The following JAZF1 variants were observed in gnomAD, a reference collection of about 807,000 sequenced individuals.
JAZF1 encodes juxtaposed with another zinc finger protein 1.
JAZF1 carries 8 observed loss-of-function variants against 26.4 expected under a neutral mutation model. That is an observed-to-expected ratio of 0.30 (90% CI 0.18 to 0.55). The LOEUF is 0.55. JAZF1 is among the 20% of genes least tolerant of loss of function. JAZF1 has a pLI of 0.94. For missense variants in JAZF1, 199 were observed against 322.0 expected (o/e 0.62, Z 2.92); for synonymous variants, 126 against 122.3 (o/e 1.03, Z -0.20).
intron 1 of JAZF1, among the ~76,000 whole-genome samples, chr7:28,083,621 T>A (rs1562581610): frequency 6.6e-6 from 1 of 152,076 alleles, no homozygotes; most frequent in African/African-American, 2.4e-5. Context: ...TGCTGTATTA[T>A]TTTATATTTT....
At chr7:27,856,209 T>G (rs1053801581) in intron 3 of JAZF1, among the ~76,000 whole-genome samples, 2 of 152,316 alleles carry the variant, frequency 1.3e-5, no homozygotes, top group Admixed American at 1.3e-4. Flanking sequence ...GTTCGTGGTC[T>G]CGCTGGCTCA....
chr7:27,996,608 G>A (rs1207041795), intron 1 of JAZF1, among the ~76,000 whole-genome samples: 1 of 152,186 alleles, frequency 6.6e-6, no homozygotes, highest in Non-Finnish European at 1.5e-5. Context: ...TAGAACTTGT[G>A]AAGCCACAGA....
At chr7:28,064,357 C>A (rs1013757944) in intron 1 of JAZF1, among the ~76,000 whole-genome samples, 4 of 151,948 alleles carry the variant, frequency 2.6e-5, no homozygotes, top group Non-Finnish European at 4.4e-5. Context: ...TAAGCAAATG[C>A]TTTTTCAATT....
intron 3 of JAZF1, among the ~76,000 whole-genome samples, chr7:27,849,468 A>T (rs1007924177): frequency 1.3e-5 from 2 of 152,146 alleles, no homozygotes; most frequent in African/African-American, 2.4e-5. Context: ...TCACATATAA[A>T]AATTGGCTGC....
chr7:27,881,898 T>A (rs1177369430), intron 3 of JAZF1, among the ~76,000 whole-genome samples: 1 of 152,154 alleles, frequency 6.6e-6, no homozygotes, highest in Non-Finnish European at 1.5e-5. Context: ...TGAAAACAGA[T>A]CACATGAAAA....
chr7:27,873,891 A>G (rs1347949086), intron 3 of JAZF1, among the ~76,000 whole-genome samples: 1 of 152,226 alleles, frequency 6.6e-6, no homozygotes, highest in African/African-American at 2.4e-5. Context: ...AGGTAGACTG[A>G]GACACTCTGA....
At chr7:28,020,889 C>T (rs1473043985) in intron 1 of JAZF1, 1 of 345,254 alleles carries the variant, frequency 2.9e-6, no homozygotes, top group Non-Finnish European at 5.7e-6. Flanking sequence ...GAACCACTCC[C>T]TCATGAAGTC....
At chr7:27,935,179 T>C (rs556891631) in intron 2 of JAZF1, among the ~76,000 whole-genome samples, 1 of 152,294 alleles carries the variant, frequency 6.6e-6, no homozygotes, top group African/African-American at 2.4e-5. Flanking sequence ...GGAATGGTTA[T>C]AATCAAACAG....
intron 2 of JAZF1, among the ~76,000 whole-genome samples, chr7:27,960,361 C>G (rs917194860): frequency 1.3e-5 from 2 of 152,194 alleles, no homozygotes; most frequent in Non-Finnish European, 2.9e-5. Context: ...AAGGGCACTA[C>G]GTTTATCTTG....
At chr7:27,878,760 G>A (rs1783722068) in intron 3 of JAZF1, among the ~76,000 whole-genome samples, 1 of 152,178 alleles carries the variant, frequency 6.6e-6, no homozygotes, top group Admixed American at 6.5e-5. Context: ...CTAAGTGGTG[G>A]AATAGGGAAT....
At chr7:27,846,960 CT>C (rs537234482) in intron 3 of JAZF1, among the ~76,000 whole-genome samples, 399 of 137,744 alleles carry the variant, frequency 2.9e-3, no homozygotes, top group Non-Finnish European at 5.3e-3. Flanking sequence ...TTGATGTAGC[CT>C]TATCTGTTTT....
intron 1 of JAZF1, among the ~76,000 whole-genome samples, chr7:28,086,319 A>C (rs756067182): frequency 1.3e-5 from 2 of 152,224 alleles, no homozygotes; most frequent in African/African-American, 2.4e-5. Context: ...AAAAGTTTTT[A>C]AATTTTACTG....
intron 4 of JAZF1, among the ~76,000 whole-genome samples, chr7:27,839,071 G>A (rs1326004271): frequency 2.0e-5 from 3 of 152,236 alleles, no homozygotes; most frequent in Non-Finnish European, 4.4e-5. Context: ...ATGACAAGGA[G>A]GAAAGGATGC....
intron 2 of JAZF1, among the ~76,000 whole-genome samples, chr7:27,946,312 C>A (rs996257672): frequency 6.6e-6 from 1 of 152,160 alleles, no homozygotes; most frequent in Non-Finnish European, 1.5e-5. Context: ...CTGGTTACCA[C>A]ACACACCAAA....
chr7:27,943,833 G>T (rs1453899052), intron 2 of JAZF1, among the ~76,000 whole-genome samples: 3 of 152,164 alleles, frequency 2.0e-5, no homozygotes, highest in African/African-American at 7.2e-5. Flanking sequence ...ATATCTGGGG[G>T]CCCAGTTTTC....
chr7:27,973,956 A>G (rs1465964735), intron 2 of JAZF1, among the ~76,000 whole-genome samples: 1 of 152,230 alleles, frequency 6.6e-6, no homozygotes, highest in East Asian at 1.9e-4. Context: ...GGAAGCATTC[A>G]AGAGGCGATG....
At chr7:28,106,686 G>C (rs757729) in intron 1 of JAZF1, among the ~76,000 whole-genome samples, 74,932 of 152,062 alleles carry the variant, frequency 0.49, 20,685 homozygotes, top group Non-Finnish European at 0.63. Context: ...ATATGCTTGA[G>C]AATTTTAAAC....
At position 28,056,753 on chromosome 7, in the gene JAZF1, A is replaced by G. The variant is rs572009474; in HGVS notation, c.116-64772T>C. 0.015 allele frequency among the ~76,000 whole-genome samples: 510 copies of G among 34,422 alleles called. 3 individuals are homozygous for G. The African/African-American group carries it at 0.15, about 10-fold the overall frequency. 22.6% of individuals were successfully genotyped at this position (34,422 alleles called of 152,430 possible). On this transcript the variant is annotated intron_variant, in intron 1 of 4. Coordinates refer to ENST00000283928, the MANE Select transcript of JAZF1 (RefSeq NM_175061.4). ...GTCTTCTTCATCCTAACAATTCCTG[A>G]TGCACACACTCCTGTCCCCTGCTCC...
chr7:28,049,206 C>T (rs998369133), intron 1 of JAZF1, among the ~76,000 whole-genome samples: 4 of 151,596 alleles, frequency 2.6e-5, no homozygotes, highest in African/African-American at 9.7e-5. Flanking sequence ...CCTCAGTCTC[C>T]AGAGTAGTTG....
Sources: gnomAD v4.1 joint callset for allele counts (sites outside exome capture counted in the v4.1 genomes callset) on GRCh38, gnomAD v4.1.1 for gene constraint, MANE v1.5 for transcripts, NCBI Gene and HGNC (gene_info 2026-07-23, HGNC 2026-07-21) for gene names.